ZER1: variants seen among roughly 807,000 people sequenced by gnomAD.
The protein encoded by ZER1 is zyg-11 related cell cycle regulator.
A neutral mutation model predicts 78.8 loss-of-function variants in ZER1; 11 were observed. The observed-to-expected ratio is 0.14, with a 90% CI of 0.09 to 0.23. The LOEUF is 0.23. ZER1 is among the 10% of genes least tolerant of loss of function. The pLI is 1.00. For synonymous variants in ZER1, 400 were observed against 407.0 expected (o/e 0.98, Z 0.21); for missense variants, 588 against 996.9 (o/e 0.59, Z 5.52).
At chr9:128,763,077 G>A (rs1864098742) in intron 1 of ZER1, among the ~76,000 whole-genome samples, 1 of 152,100 alleles carries the variant, frequency 6.6e-6, no homozygotes, top group South Asian at 2.1e-4. Context: ...TCAGACCTTT[G>A]CCCAGTCTGT....
intron 1 of ZER1, among the ~76,000 whole-genome samples, chr9:128,765,581 C>A (rs55664800): frequency 2.6e-5 from 4 of 152,294 alleles, no homozygotes; most frequent in Non-Finnish European, 4.4e-5. Context: ...GGGATCCCAC[C>A]AGTGTCCTGA....
intron 8 of ZER1, 36 bp from the exon 9 acceptor site, chr9:128,742,781 G>A: frequency 6.4e-7 from 1 of 1,563,858 alleles, no homozygotes; most frequent in East Asian, 2.4e-5. Flanking sequence ...GGCACATTCA[G>A]GGTCAGACTC....
intron 1 of ZER1, among the ~76,000 whole-genome samples, chr9:128,760,491 C>T (rs1239594137): frequency 2.0e-5 from 3 of 152,172 alleles, no homozygotes; most frequent in East Asian, 1.9e-4. Context: ...CGTGAGCCAC[C>T]GCACCCAGCC....
At chr9:128,736,108 C>G (rs1394729830) in intron 13 of ZER1, among the ~76,000 whole-genome samples, 1 of 151,786 alleles carries the variant, frequency 6.6e-6, no homozygotes, top group Non-Finnish European at 1.5e-5. Flanking sequence ...ACCACCAAAC[C>G]CGGCTAATTT....
chr9:128,731,441 G>GGGGTGGGGGGGGC, intron 15 of ZER1, 47 bp from the exon 16 acceptor site: 3 of 704,910 alleles, frequency 4.3e-6, no homozygotes, highest in Non-Finnish European at 7.7e-6. Context: ...CTTGGGTGGG[G>GGGGTGGGGGGGGC]GTGAGCCCAG....
rs1180495331 is a variant in ZER1 at position 128,761,603 on chromosome 9, G to GTT, written c.-94-5946_-94-5945dup. On this transcript the variant is annotated intron_variant, in intron 1 of 15. Transcript: ENST00000291900. ...GTCCAGCCCTATGACCCCATAATTT[G>GTT]TTTTTTTTTTTTTTTTTTTGAGACA... 9.8e-4 allele frequency among the ~76,000 whole-genome samples: 105 copies of GTT among 107,346 alleles called. 2 individuals are homozygous for GTT. Among genetic ancestry groups the GTT allele is most frequent in the African/African-American group, 1.2e-3 (34 of 29,174 alleles). The allele number at this position is 107,346 out of a possible 152,430, so 70.4% of individuals were successfully genotyped here.
chr9:128,740,687 A>G lies in ZER1; in HGVS notation c.1853+85T>C. ...TGACATTTATAGCAAACCTAGGCTAAGAGCAGTTGTGCAACTGAGCAAACG... is the reference window on the plus strand; with the variant it reads ...TGACATTTATAGCAAACCTAGGCTAGGAGCAGTTGTGCAACTGAGCAAACG... On this transcript the variant is annotated intron_variant, in intron 12 of 15. Transcript: ENST00000291900. This position sits in a 1 kb window ranked among gnomAD's most constrained non-coding sequence, Gnocchi z 4.4. 1 of 704,860 alleles carries G rather than the reference A, an allele frequency of 1.4e-6. No individual in the cohort carries two copies. Among genetic ancestry groups the G allele is most frequent in the Middle Eastern group, 2.5e-4 (1 of 3,952 alleles). The allele number at this position is 704,860 out of a possible 1,614,324, so 43.7% of individuals were successfully genotyped here. A position where few individuals can be genotyped will look rare whatever the true frequency, so the allele number is the denominator to read the frequency against.
At chr9:128,743,288 G>T (rs1373445404) in intron 8 of ZER1, among the ~76,000 whole-genome samples, 1 of 151,754 alleles carries the variant, frequency 6.6e-6, no homozygotes, top group African/African-American at 2.4e-5. Context: ...GCTAATTTTT[G>T]TATTTTTAGT....
At chr9:128,742,821 G>T (rs1260824980) in intron 8 of ZER1, 76 bp from the exon 9 acceptor site, 2 of 1,418,682 alleles carry the variant, frequency 1.4e-6, no homozygotes, top group South Asian at 1.3e-5. Flanking sequence ...CTATCTAGAG[G>T]TATGAGCTCA....
chr9:128,738,891 G>A (rs1863189378), intron 13 of ZER1, among the ~76,000 whole-genome samples: 1 of 126,856 alleles, frequency 7.9e-6, no homozygotes, highest in Admixed American at 9.3e-5. Flanking sequence ...TTGGTCTGTT[G>A]CCCAGGCTGG....
intron 13 of ZER1, among the ~76,000 whole-genome samples, chr9:128,739,118 A>G (rs544849819): frequency 8.6e-5 from 13 of 151,954 alleles, no homozygotes; most frequent in African/African-American, 2.7e-4. Flanking sequence ...CTAAAGTGCT[A>G]TGATTACAGG....
At position 128,759,016 on chromosome 9, in the gene ZER1, T is replaced by A. The variant is rs533079113; in HGVS notation, c.-94-3357A>T. 7.5e-3 allele frequency among the ~76,000 whole-genome samples: 1,134 copies of A among 151,676 alleles called. 20 individuals carry two copies. Among genetic ancestry groups the A allele is most frequent in the African/African-American group, 0.026 (1,067 of 41,376 alleles). On this transcript the variant is annotated intron_variant, in intron 1 of 15. Transcript: ENST00000291900. Reference sequence around the variant, plus strand: ...TCAAGTGAATTTTTTTTTTTTTTTTTAGACTGAGTCTTGCTCTGTCACCAG... The same window carrying A: ...TCAAGTGAATTTTTTTTTTTTTTTTAAGACTGAGTCTTGCTCTGTCACCAG...
At position 128,735,760 on chromosome 9, in the gene ZER1, G is replaced by GTTTTTTTTTTTT; in HGVS notation, c.2043-330_2043-329insAAAAAAAAAAAA. On this transcript the variant is annotated intron_variant, in intron 13 of 15. Transcript: ENST00000291900. Reference sequence around the variant, plus strand: ...CTGGGAACAGAAGCACGTGTGACCTGGTTTTTTTTTTTTTTTTTTTTTTTT... The same window carrying GTTTTTTTTTTTT: ...CTGGGAACAGAAGCACGTGTGACCTGTTTTTTTTTTTTGTTTTTTTTTTTTTTTTTTTTTTTT... Among the ~76,000 whole-genome samples, 120 of 16,192 alleles carry GTTTTTTTTTTTT rather than the reference G, an allele frequency of 7.4e-3. 51 individuals carry two copies. Among genetic ancestry groups the GTTTTTTTTTTTT allele is most frequent in the African/African-American group, 0.016 (98 of 6,064 alleles). 10.6% of individuals were successfully genotyped at this position (16,192 alleles called of 152,430 possible).
At chr9:128,738,549 C>T (rs1161460332) in intron 13 of ZER1, among the ~76,000 whole-genome samples, 1 of 145,144 alleles carries the variant, frequency 6.9e-6, no homozygotes, top group Non-Finnish European at 1.5e-5. Context: ...CCACGCCCGG[C>T]TAATTTTTTG....
chr9:128,772,307 G>C (rs1864411666), upstream of ZER1: 1 of 152,334 alleles, frequency 6.6e-6, no homozygotes, highest in Non-Finnish European at 1.5e-5. Context: ...TCACACTCGC[G>C]TGTCAACCCG....
At chr9:128,759,397 G>A (rs1348516331) in intron 1 of ZER1, among the ~76,000 whole-genome samples, 5 of 148,224 alleles carry the variant, frequency 3.4e-5, no homozygotes, top group Non-Finnish European at 5.9e-5. Context: ...GGCTGGTCTC[G>A]AACTCCTTAC....
chr9:128,741,732 C>T (rs1362585525), intron 10 of ZER1, 68 bp downstream of exon 10: 1 of 1,613,982 alleles, frequency 6.2e-7, no homozygotes, highest in East Asian at 2.2e-5. Flanking sequence ...CAGACCTCCC[C>T]CAGGGGCAGC....
intron 1 of ZER1, among the ~76,000 whole-genome samples, chr9:128,769,026 C>G (rs1216204642): frequency 2.0e-5 from 3 of 152,092 alleles, no homozygotes; most frequent in African/African-American, 2.4e-5. Flanking sequence ...GCGATCCTCC[C>G]AAAGCGCTGG....
At chr9:128,761,068 G>A (rs1359754641) in intron 1 of ZER1, among the ~76,000 whole-genome samples, 3 of 146,244 alleles carry the variant, frequency 2.1e-5, no homozygotes, top group African/African-American at 5.0e-5. Context: ...TGAGGTAGAA[G>A]AATGGTGTGA....
Sources: gnomAD v4.1 joint callset for allele counts (sites outside exome capture counted in the v4.1 genomes callset) on GRCh38, gnomAD v4.1.1 for gene constraint, Gnocchi (gnomAD v3.1) non-coding constraint, MANE v1.5 for transcripts, NCBI Gene and HGNC (gene_info 2026-07-23, HGNC 2026-07-21) for gene names.